RAB3C: variants seen among roughly 807,000 people sequenced by gnomAD.
RAB3C encodes RAB3C, member RAS oncogene family.
In RAB3C, 17 loss-of-function variants were observed where a neutral mutation model predicts 26.4. That is an observed-to-expected ratio of 0.64 (90% CI 0.44 to 0.97). The LOEUF is 0.97. RAB3C is among the 50% of genes least tolerant of loss of function. RAB3C has a pLI of 0.00. For synonymous variants in RAB3C, 91 were observed against 95.9 expected, an observed-to-expected ratio of 0.95 and a Z score of 0.30; for missense variants, 242 against 281.9, an observed-to-expected ratio of 0.86 and a Z score of 1.01.
chr5:58,836,676 TC>T (rs35041784), intron 4 of RAB3C, among the ~76,000 whole-genome samples: 86,807 of 151,882 alleles, frequency 0.57, 24,952 homozygotes, highest in Middle Eastern at 0.7. Flanking sequence ...TAATATAACG[TC>T]CCTCCAGTTC....
intron 3 of RAB3C, among the ~76,000 whole-genome samples, chr5:58,793,023 T>C (rs1169075838): frequency 6.6e-6 from 1 of 152,188 alleles, no homozygotes; most frequent in Non-Finnish European, 1.5e-5. Context: ...TCTAAAATTC[T>C]GTATGTCCAA....
Position 58,736,516 on chromosome 5 carries a change from G to C in RAB3C, c.371+10396G>C, listed in dbSNP as rs571493819. Among the ~76,000 whole-genome samples, 113 of 152,278 alleles carry C rather than the reference G, an allele frequency of 7.4e-4. 1 individual carries two copies. Among genetic ancestry groups the C allele is most frequent in the African/African-American group, 2.7e-3 (111 of 41,550 alleles). ...CTGCCTCAGAGTATACTTCGGCTTT[G>C]CAATAAACCTCTTCACCTACTCTTA... is the stretch of plus-strand genomic sequence containing the variant. On this transcript the variant is annotated intron_variant, in intron 3 of 4. Transcript: ENST00000282878.
intron 1 of RAB3C, among the ~76,000 whole-genome samples, chr5:58,606,672 C>T (rs1304072907): frequency 1.3e-5 from 2 of 152,102 alleles, no homozygotes; most frequent in Non-Finnish European, 2.9e-5. Flanking sequence ...GGTGGGTGCT[C>T]CTCTGGGATG....
chr5:58,707,517 A>G (rs1433294949), intron 2 of RAB3C, among the ~76,000 whole-genome samples: 3 of 152,186 alleles, frequency 2.0e-5, no homozygotes, highest in Non-Finnish European at 2.9e-5. Flanking sequence ...TACAGTTGAG[A>G]AAACTGGGGT....
chr5:58,854,465 G>A lies in RAB3C; in HGVS notation c.*3114G>A, dbSNP rs1744212464. ...GTGAATCAGCATTTCAGTTTTTGGA[G>A]ATGGGGATGGAAGTAGAAGGTGCAC... On this transcript the variant is annotated 3_prime_UTR_variant, in exon 5 of 5. Coordinates refer to ENST00000282878, the MANE Select transcript of RAB3C (RefSeq NM_138453.4). The A allele has an allele frequency of 6.6e-6, 1 of 152,186 alleles. No homozygotes were observed. The highest frequency in any genetic ancestry group is 2.4e-5 in the African/African-American group (1 of 41,434). The allele number at this position is 152,186 out of a possible 1,614,324, so 9.4% of individuals were successfully genotyped here.
At chr5:58,583,028 G>A (rs533618298), upstream of RAB3C, 2 of 1,434,926 alleles carry the variant, frequency 1.4e-6, no homozygotes, top group South Asian at 1.5e-5. Flanking sequence ...GGAGTGCACG[G>A]GGCTCCTCGG....
At chr5:58,831,746 G>T (rs889284820) in intron 4 of RAB3C, among the ~76,000 whole-genome samples, 3 of 152,024 alleles carry the variant, frequency 2.0e-5, no homozygotes, top group African/African-American at 7.2e-5. Context: ...CACATTGAGG[G>T]GACCTTGCTT....
chr5:58,751,218 C>T (rs1402681025), intron 3 of RAB3C, among the ~76,000 whole-genome samples: 2 of 152,084 alleles, frequency 1.3e-5, no homozygotes, highest in Non-Finnish European at 2.9e-5. Context: ...CATGCATAAC[C>T]AAGAAAAAAT....
chr5:58,769,449 C>T (rs1308522870), intron 3 of RAB3C, among the ~76,000 whole-genome samples: 3 of 151,788 alleles, frequency 2.0e-5, no homozygotes, highest in African/African-American at 4.8e-5. Context: ...TTTGTTCTTT[C>T]CTTATGTTAT....
At chr5:58,669,129 G>T (rs1748061203) in intron 2 of RAB3C, among the ~76,000 whole-genome samples, 1 of 151,948 alleles carries the variant, frequency 6.6e-6, no homozygotes, top group African/African-American at 2.4e-5. Flanking sequence ...GAGAGTCAGG[G>T]CTCAAAATAT....
chr5:58,666,719 G>A (rs1378798718), intron 2 of RAB3C, among the ~76,000 whole-genome samples: 1 of 152,214 alleles, frequency 6.6e-6, no homozygotes, highest in East Asian at 1.9e-4. Flanking sequence ...GCTGCGGTCA[G>A]GGCAGGAAGG....
At chr5:58,628,156 CAAA>C (rs58277302) in intron 2 of RAB3C, among the ~76,000 whole-genome samples, 2,676 of 71,324 alleles carry the variant, frequency 0.038, 9 homozygotes, top group African/African-American at 0.077. Context: ...GACTCCGTCT[CAAA>C]AAAAAAAAAA....
chr5:58,703,106 T>A (rs1280284879), intron 2 of RAB3C, among the ~76,000 whole-genome samples: 1 of 152,246 alleles, frequency 6.6e-6, no homozygotes, highest in African/African-American at 2.4e-5. Flanking sequence ...TCCAAAATTA[T>A]ACGTGGCAAC....
At chr5:58,685,005 A>C (rs1163113734) in intron 2 of RAB3C, among the ~76,000 whole-genome samples, 3 of 152,186 alleles carry the variant, frequency 2.0e-5, no homozygotes. Flanking sequence ...ATGTTACTGA[A>C]GATATTGGTG....
intron 3 of RAB3C, among the ~76,000 whole-genome samples, chr5:58,787,195 C>T (rs898506136): frequency 3.9e-5 from 6 of 152,348 alleles, no homozygotes; most frequent in South Asian, 2.1e-4. Flanking sequence ...AATAGTTTTG[C>T]GTGGAGCTGC....
chr5:58,636,241 A>T (rs1747286889), intron 2 of RAB3C, among the ~76,000 whole-genome samples: 1 of 152,214 alleles, frequency 6.6e-6, no homozygotes. Flanking sequence ...CCAATTTCCT[A>T]GAAACTGGTT....
intron 2 of RAB3C, among the ~76,000 whole-genome samples, chr5:58,663,424 A>G (rs1008699491): frequency 6.7e-6 from 1 of 150,338 alleles, no homozygotes; most frequent in Non-Finnish European, 1.5e-5. Flanking sequence ...ACACATTTCA[A>G]AAAGTGATTT....
chr5:58,760,862 A>T (rs1240453829), intron 3 of RAB3C, among the ~76,000 whole-genome samples: 4 of 152,202 alleles, frequency 2.6e-5, no homozygotes, highest in Non-Finnish European at 4.4e-5. Context: ...TCAGTACAGG[A>T]GGTCAAATGA....
intron 2 of RAB3C, among the ~76,000 whole-genome samples, chr5:58,629,294 G>A (rs1044021242): frequency 6.6e-5 from 10 of 152,146 alleles, no homozygotes; most frequent in Admixed American, 3.9e-4. Flanking sequence ...TAGTATAGAC[G>A]CCCCTGGGCT....
Sources: allele counts gnomAD v4.1 joint callset (sites outside exome capture counted in the v4.1 genomes callset), GRCh38; gene constraint gnomAD v4.1.1; transcripts MANE v1.5; gene names NCBI Gene and HGNC (gene_info 2026-07-23, HGNC 2026-07-21).